Variants in KIF21A observed in about 807,000 individuals in gnomAD.
KIF21A encodes the protein kinesin-like protein KIF21A.
Under a neutral mutation model 202.9 loss-of-function variants are expected in KIF21A, and 114 were observed. That is an observed-to-expected ratio of 0.56 (90% CI 0.48 to 0.66). The LOEUF (loss-of-function observed/expected upper bound fraction) is 0.66, where lower values mean the gene tolerates loss of function less well. KIF21A is among the 30% of genes least tolerant of loss of function. The pLI is 0.00. For synonymous variants in KIF21A, 667 were observed against 670.8 expected, an observed-to-expected ratio of 0.99 and a Z score of 0.09; for missense variants, 1,677 against 1,994.9, an observed-to-expected ratio of 0.84 and a Z score of 3.04.
chr12:39,410,797 T>G (rs1953020479), intron 1 of KIF21A, among the ~76,000 whole-genome samples: 1 of 152,090 alleles, frequency 6.6e-6, no homozygotes, highest in Admixed American at 6.5e-5. Context: ...ATAATAAATT[T>G]TAAAAAACAA....
intron 34 of KIF21A, 81 bp from the exon 35 acceptor site, chr12:39,305,019 A>G: frequency 2.7e-6 from 2 of 729,278 alleles, no homozygotes; most frequent in Non-Finnish European, 4.9e-6. Context: ...AACGATCTAC[A>G]TTCTTTCATA....
At chr12:39,408,836 T>C (rs1295490435) in intron 1 of KIF21A, among the ~76,000 whole-genome samples, 1 of 151,346 alleles carries the variant, frequency 6.6e-6, no homozygotes, top group Non-Finnish European at 1.5e-5. Context: ...GTTTTTTTTT[T>C]GGAGACAGGG....
chr12:39,308,738 A>C (rs1943719309), intron 33 of KIF21A, among the ~76,000 whole-genome samples: 1 of 152,132 alleles, frequency 6.6e-6, no homozygotes, highest in African/African-American at 2.4e-5. Flanking sequence ...TCAGTGATTC[A>C]ATTGAATTGG....
At chr12:39,317,372 G>A (rs1012162439) in intron 29 of KIF21A, among the ~76,000 whole-genome samples, 47 of 152,058 alleles carry the variant, frequency 3.1e-4, no homozygotes, top group African/African-American at 1.1e-3. Context: ...CCAAGTCCAA[G>A]CAGACAAGTC....
At chr12:39,432,672 A>ATGATCT (rs1470897432) in intron 1 of KIF21A, among the ~76,000 whole-genome samples, 2 of 151,172 alleles carry the variant, frequency 1.3e-5, no homozygotes, top group Non-Finnish European at 2.9e-5. Context: ...GTGCAGTGGT[A>ATGATCT]TGATCTCAGC....
At chr12:39,360,554 T>C (rs987129241) in intron 7 of KIF21A, among the ~76,000 whole-genome samples, 1 of 152,144 alleles carries the variant, frequency 6.6e-6, no homozygotes, top group Non-Finnish European at 1.5e-5. Flanking sequence ...CATGCCCAGC[T>C]AATTTTTGTG....
At chr12:39,416,631 GTATA>G (rs796156140) in intron 1 of KIF21A, among the ~76,000 whole-genome samples, 4 of 114,936 alleles carry the variant, frequency 3.5e-5, no homozygotes, top group Non-Finnish European at 5.3e-5. Context: ...ATATATATGT[GTATA>G]TATATATATG....
At chr12:39,306,662 T>C (rs906876915) in intron 34 of KIF21A, among the ~76,000 whole-genome samples, 2 of 152,198 alleles carry the variant, frequency 1.3e-5, no homozygotes, top group Non-Finnish European at 2.9e-5. Flanking sequence ...ATTGGAAATG[T>C]TACTAAGAAT....
intron 1 of KIF21A, among the ~76,000 whole-genome samples, chr12:39,397,699 T>C (rs1294269317): frequency 6.6e-6 from 1 of 152,154 alleles, no homozygotes; most frequent in Non-Finnish European, 1.5e-5. Flanking sequence ...CAAACTGTTG[T>C]AGTAGTAGGG....
intron 11 of KIF21A, among the ~76,000 whole-genome samples, chr12:39,346,989 G>A (rs1947951330): frequency 6.6e-6 from 1 of 151,366 alleles, no homozygotes; most frequent in East Asian, 1.9e-4. Flanking sequence ...CTACATTCTA[G>A]GATACTACTT....
chr12:39,331,008 T>C, intron 22 of KIF21A, 97 bp from the exon 23 acceptor site: 1 of 1,271,302 alleles, frequency 7.9e-7, no homozygotes, highest in Non-Finnish European at 1.1e-6. Flanking sequence ...ATATGGGTTT[T>C]GACATCAGAT....
intron 1 of KIF21A, among the ~76,000 whole-genome samples, chr12:39,372,506 TG>T (rs972141210): frequency 2.0e-5 from 3 of 152,182 alleles, no homozygotes; most frequent in Non-Finnish European, 2.9e-5. Flanking sequence ...TCAACTGTGG[TG>T]GAAAACTATA....
chr12:39,318,813 T>G (rs559787820), intron 28 of KIF21A, among the ~76,000 whole-genome samples: 102 of 152,212 alleles, frequency 6.7e-4, no homozygotes, highest in African/African-American at 2.3e-3. Flanking sequence ...ACCCCGTCCC[T>G]ACTAAAAATA....
chr12:39,364,671 A>G (rs902062068), intron 6 of KIF21A, among the ~76,000 whole-genome samples: 2 of 152,206 alleles, frequency 1.3e-5, no homozygotes, highest in Non-Finnish European at 2.9e-5. Context: ...TGCAAAATTC[A>G]TATCAGTGAG....
chr12:39,396,014 G>C (rs1344286153), intron 1 of KIF21A, among the ~76,000 whole-genome samples: 3 of 151,620 alleles, frequency 2.0e-5, no homozygotes, highest in Non-Finnish European at 4.4e-5. Context: ...ACCAGGCACA[G>C]GGCCCCTGTG....
intron 10 of KIF21A, 88 bp from the exon 11 acceptor site, chr12:39,352,068 T>A: frequency 1.1e-6 from 1 of 942,222 alleles, no homozygotes. Flanking sequence ...TACCATTTCT[T>A]AAGTGTACAG....
chr12:39,436,422 T>TTTTATATATATATATATATATATATATTA (rs1424497663), intron 1 of KIF21A, among the ~76,000 whole-genome samples: 1 of 99,116 alleles, frequency 1.0e-5, no homozygotes, highest in Non-Finnish European at 1.9e-5. Context: ...GTTTACTATA[T>TTTTATATATATATATATATATATATATTA]TATATATATA....
intron 22 of KIF21A, 61 bp from the exon 23 acceptor site, chr12:39,330,972 T>G: frequency 6.5e-7 from 1 of 1,537,090 alleles, no homozygotes; most frequent in Non-Finnish European, 9.0e-7. Flanking sequence ...CACAAAGATC[T>G]GTATCAAACA....
chr12:39,313,384 A>T (rs554352815), intron 31 of KIF21A, among the ~76,000 whole-genome samples: 54 of 151,914 alleles, frequency 3.6e-4, no homozygotes, highest in Non-Finnish European at 4.4e-4. Flanking sequence ...TATCAATTTC[A>T]TGGGGAAAGT....
Sources: allele counts gnomAD v4.1 joint callset (sites outside exome capture counted in the v4.1 genomes callset), GRCh38; gene constraint gnomAD v4.1.1; transcripts MANE v1.5; gene names NCBI Gene and HGNC (gene_info 2026-07-23, HGNC 2026-07-21).